Variants in AOAH observed in about 807,000 individuals in gnomAD.
AOAH encodes the protein acyloxyacyl hydrolase (neutrophil).
In AOAH, 64 loss-of-function variants were observed where a neutral mutation model predicts 92.2. That is an observed-to-expected ratio of 0.69 (90% confidence interval 0.57 to 0.86). The LOEUF is 0.86. Among genes scored for constraint, AOAH ranks in the 40% least tolerant of loss-of-function variants. The pLI is 0.00. For missense variants in AOAH, 656 were observed against 694.6 expected (o/e 0.94, Z 0.62); for synonymous variants, 263 against 254.5 (o/e 1.03, Z -0.32).
intron 13 of AOAH, among the ~76,000 whole-genome samples, chr7:36,566,981 T>G (rs918664834): frequency 5.3e-5 from 8 of 152,148 alleles, no homozygotes; most frequent in African/African-American, 1.7e-4. Context: ...TCTAATTTTT[T>G]GTATTTTTTT....
intron 20 of AOAH, among the ~76,000 whole-genome samples, chr7:36,515,801 C>T (rs1423319415): frequency 2.2e-5 from 3 of 135,676 alleles, no homozygotes; most frequent in Non-Finnish European, 3.2e-5. Context: ...CACACCCCCA[C>T]ACACCACACC....
chr7:36,546,693 C>T (rs1371728746), intron 15 of AOAH, among the ~76,000 whole-genome samples: 1 of 152,196 alleles, frequency 6.6e-6, no homozygotes, highest in Admixed American at 6.5e-5. Context: ...GTTCTTTATT[C>T]AGTATAGTCA....
At position 36,724,407 on chromosome 7, in the gene AOAH, T is replaced by C. The variant is rs1338431454; in HGVS notation, c.-259A>G. On this transcript the variant is annotated 5_prime_UTR_variant, in exon 1 of 21. Coordinates refer to ENST00000617537, the MANE Select transcript of AOAH (RefSeq NM_001637.4). ...CACACAAAGAGCTGGAGGGAGTCTG[T>C]GGTGTGCGGTTCTGCTGAGGTAAAG... The C allele has an allele frequency of 1.1e-5, 4 of 353,748 alleles. No homozygotes were observed. The highest frequency in any genetic ancestry group is 2.2e-5 in the Non-Finnish European group (4 of 182,248). 21.9% of individuals were successfully genotyped at this position (353,748 alleles called of 1,614,324 possible).
In AOAH at chr7:36,516,197, TTA is replaced by T. The variant is rs1218408107; in HGVS notation, c.1600-2819_1600-2818del. On this transcript the variant is annotated intron_variant, in intron 20 of 20. Coordinates refer to ENST00000617537, the MANE Select transcript of AOAH (RefSeq NM_001637.4). This position sits in a 1 kb window ranked among gnomAD's most constrained non-coding sequence, Gnocchi z 5.0. ...CATACCACACATACATACATCTCTC[TTA>T]TATACACACACACATCCTACACACA... 3.5e-5 allele frequency among the ~76,000 whole-genome samples: 5 copies of T among 141,298 alleles called. No individual in the cohort carries two copies. In the East Asian group the frequency reaches 1.1e-3, roughly 31 times the overall value. 92.7% of individuals were successfully genotyped at this position (141,298 alleles called of 152,430 possible).
rs1012795264 is a variant in AOAH, at chr7:36,654,250, G to A, written c.390+4916C>T. ...CCACCTGGGTGGTCTTTGCAGTGAG[G>A]CCTGCAGCTATTTTTCCTTCCCTTT... is the stretch of plus-strand genomic sequence containing the variant. On this transcript the variant is annotated intron_variant, in intron 4 of 20. Transcript: ENST00000617537. Among the ~76,000 whole-genome samples the A allele has an allele frequency of 1.8e-4, 28 of 152,160 alleles. 1 individual carries two copies. The highest frequency in any genetic ancestry group is 6.8e-4 in the African/African-American group (28 of 41,408).
At chr7:36,556,453 A>G (rs1164809243) in intron 13 of AOAH, among the ~76,000 whole-genome samples, 1 of 152,108 alleles carries the variant, frequency 6.6e-6, no homozygotes, top group African/African-American at 2.4e-5. Context: ...AAAAAAATGT[A>G]TATTCTGCTG....
chr7:36,621,847 TC>T, intron 7 of AOAH, 67 bp from the exon 8 acceptor site: 1 of 1,420,844 alleles, frequency 7.0e-7, no homozygotes, highest in Non-Finnish European at 1.0e-6. Context: ...GGAAGGCTAA[TC>T]AGAGTTGTCT....
chr7:36,637,805 G>C, intron 5 of AOAH, 46 bp downstream of exon 5: 1 of 1,572,738 alleles, frequency 6.4e-7, no homozygotes, highest in Non-Finnish European at 8.8e-7. Flanking sequence ...CAGTGAGAGA[G>C]GACATGCCAA....
chr7:36,617,360 A>G (rs1490162472), intron 10 of AOAH, among the ~76,000 whole-genome samples: 3 of 152,236 alleles, frequency 2.0e-5, no homozygotes, highest in African/African-American at 4.8e-5. Flanking sequence ...TCATTGGTTT[A>G]GTTGTTCATT....
intron 20 of AOAH, chr7:36,514,556 G>C: frequency 6.5e-7 from 1 of 1,535,870 alleles, no homozygotes; most frequent in Non-Finnish European, 8.7e-7. Context: ...TGTCTGGCTT[G>C]TCATTAATAT....
intron 12 of AOAH, among the ~76,000 whole-genome samples, chr7:36,590,073 C>T (rs1160701084): frequency 1.3e-5 from 2 of 151,984 alleles, no homozygotes; most frequent in Non-Finnish European, 2.9e-5. Context: ...CCGTCTCAGC[C>T]TCCTGAGTAG....
intron 1 of AOAH, among the ~76,000 whole-genome samples, chr7:36,694,785 A>C (rs1797609771): frequency 6.6e-6 from 1 of 152,202 alleles, no homozygotes; most frequent in Non-Finnish European, 1.5e-5. Context: ...TTGCATTCTA[A>C]GGCCAATAGT....
At chr7:36,527,536 G>T (rs1784465042) in intron 19 of AOAH, among the ~76,000 whole-genome samples, 1 of 152,130 alleles carries the variant, frequency 6.6e-6, no homozygotes, top group Non-Finnish European at 1.5e-5. Flanking sequence ...GAGCTGGGGG[G>T]TGGGTTGGAC....
Position 36,532,424 on chromosome 7 carries a change from C to T in AOAH, c.1307-80G>A, listed in dbSNP as rs192110209. 6.5e-5 allele frequency: 87 copies of T among 1,332,668 alleles called. 1 individual carries two copies. In the African/African-American group the frequency reaches 8.9e-4, roughly 14 times the overall value. 82.6% of individuals were successfully genotyped at this position (1,332,668 alleles called of 1,614,324 possible). ...GAGGCACCTGGGGGCTTCCCTGCCT[C>T]CCTTGCAGAAAGTCACTATTTCCAG... is the stretch of plus-strand genomic sequence containing the variant. On this transcript the variant is annotated intron_variant, in intron 16 of 20. Coordinates refer to ENST00000617537, the MANE Select transcript of AOAH (RefSeq NM_001637.4).
intron 13 of AOAH, among the ~76,000 whole-genome samples, chr7:36,551,137 G>A (rs929480063): frequency 1.3e-5 from 2 of 148,156 alleles, no homozygotes; most frequent in East Asian, 2.0e-4. Context: ...GCAGTGGTGC[G>A]ATCTTGGCTT....
Position 36,576,674 on chromosome 7 carries a change from G to GA in AOAH, c.939-19_939-18insT, listed in dbSNP as rs376589383. On this transcript the variant is annotated intron_variant, in intron 12 of 20. Transcript: ENST00000617537. The stretch of plus-strand genomic sequence containing the variant: ...CTTTAATTCTGAAACAAATATATAT[G>GA]TATATATTTAAGGTCAGGATACTCA... 14 of 1,279,522 alleles carry GA rather than the reference G, an allele frequency of 1.1e-5. No homozygotes were observed. Among genetic ancestry groups the GA allele is most frequent in the African/African-American group, 9.0e-5 (6 of 66,680 alleles). The allele number at this position is 1,279,522 out of a possible 1,614,324, so 79.3% of individuals were successfully genotyped here. A position where few individuals can be genotyped will look rare whatever the true frequency, so the allele number is the denominator to read the frequency against.
At chr7:36,567,027 G>A (rs1787761780) in intron 13 of AOAH, among the ~76,000 whole-genome samples, 2 of 152,062 alleles carry the variant, frequency 1.3e-5, no homozygotes, top group Admixed American at 1.3e-4. Flanking sequence ...GGCCAGGGTG[G>A]TCTTGAACTC....
At chr7:36,709,623 G>C (rs184510993) in intron 1 of AOAH, among the ~76,000 whole-genome samples, 45 of 152,158 alleles carry the variant, frequency 3.0e-4, no homozygotes, top group African/African-American at 1.1e-3. Flanking sequence ...AGGTTCCAAA[G>C]GGCAAGTTAG....
intron 2 of AOAH, among the ~76,000 whole-genome samples, chr7:36,675,482 A>C (rs1796195924): frequency 6.6e-6 from 1 of 152,214 alleles, no homozygotes; most frequent in Admixed American, 6.5e-5. Context: ...ACAAGTAAAG[A>C]GATTGAATTA....
Sources: gnomAD v4.1 joint callset for allele counts (sites outside exome capture counted in the v4.1 genomes callset) on GRCh38, gnomAD v4.1.1 for gene constraint, Gnocchi (gnomAD v3.1) non-coding constraint, MANE v1.5 for transcripts, NCBI Gene and HGNC (gene_info 2026-07-23, HGNC 2026-07-21) for gene names.